Variants in CTNNA3 observed in about 807,000 individuals in gnomAD.
CTNNA3 encodes catenin alpha 3.
Under a neutral mutation model 95.7 loss-of-function variants are expected in CTNNA3, and 76 were observed. The ratio of observed to expected loss-of-function variants is 0.79; its 90% CI spans 0.66 to 0.96. The LOEUF is 0.96. CTNNA3 is among the 40% of genes least tolerant of loss of function. The pLI, the probability that CTNNA3 is intolerant of heterozygous loss-of-function variation, is 0.00. For missense variants in CTNNA3, 1,191 were observed against 1,089.8 expected, an observed-to-expected ratio of 1.09 and a Z score of -1.31; for synonymous variants, 431 against 374.4, an observed-to-expected ratio of 1.15 and a Z score of -1.74.
chr10:67,573,649 A>G (rs761932377), intron 3 of CTNNA3, among the ~76,000 whole-genome samples: 7 of 151,968 alleles, frequency 4.6e-5, no homozygotes, highest in Non-Finnish European at 7.4e-5. Flanking sequence ...AAAATCAAGT[A>G]TTATATTAGA....
At chr10:67,758,305 CATAT>C (rs1261166090) in intron 1 of CTNNA3, among the ~76,000 whole-genome samples, 2 of 117,368 alleles carry the variant, frequency 1.7e-5, no homozygotes, top group Admixed American at 2.1e-4. Flanking sequence ...CACACACACA[CATAT>C]ATATAAATAT....
At chr10:66,112,026 T>C (rs536340528) in intron 13 of CTNNA3, among the ~76,000 whole-genome samples, 2 of 152,318 alleles carry the variant, frequency 1.3e-5, no homozygotes, top group African/African-American at 4.8e-5. Flanking sequence ...GTGACAAACA[T>C]TAGGCTGGAT....
At chr10:67,201,946 G>A (rs1863668599) in intron 6 of CTNNA3, among the ~76,000 whole-genome samples, 1 of 152,172 alleles carries the variant, frequency 6.6e-6, no homozygotes, top group Non-Finnish European at 1.5e-5. Context: ...ACACACCCAT[G>A]AAGAGAGCCC....
intron 3 of CTNNA3, among the ~76,000 whole-genome samples, chr10:67,576,399 A>G (rs1842146091): frequency 6.6e-6 from 1 of 152,108 alleles, no homozygotes; most frequent in African/African-American, 2.4e-5. Context: ...AGGAGGCATT[A>G]TTGTATAGTT....
intron 7 of CTNNA3, among the ~76,000 whole-genome samples, chr10:67,096,570 G>A (rs575272011): frequency 6.6e-6 from 1 of 151,922 alleles, no homozygotes; most frequent in Non-Finnish European, 1.5e-5. Flanking sequence ...ACCAAGATCA[G>A]GACTGAAGGT....
chr10:66,346,230 TATATATATATATATATAGAGAGAGAGAG>T (rs1256992672), intron 12 of CTNNA3, among the ~76,000 whole-genome samples: 1,934 of 65,082 alleles, frequency 0.03, 29 homozygotes, highest in East Asian at 0.11. Flanking sequence ...TATATATATA[TATATATATATATATATAGAGAGAGAGAG>T]AGAGAGAGAG....
At chr10:67,424,159 T>C (rs1334879755) in intron 5 of CTNNA3, among the ~76,000 whole-genome samples, 1 of 152,158 alleles carries the variant, frequency 6.6e-6, no homozygotes, top group Non-Finnish European at 1.5e-5. Context: ...CTGATGAGGA[T>C]GTTTAAATGA....
intron 13 of CTNNA3, among the ~76,000 whole-genome samples, chr10:66,224,026 G>A (rs936381715): frequency 3.9e-5 from 6 of 152,016 alleles, no homozygotes; most frequent in African/African-American, 1.5e-4. Flanking sequence ...GTGAGGCCCT[G>A]TCTCTAAAAA....
chr10:66,655,953 C>T, intron 9 of CTNNA3, among the ~76,000 whole-genome samples: 1 of 152,060 alleles, frequency 6.6e-6, no homozygotes, highest in East Asian at 1.9e-4. Flanking sequence ...AGACGTGGCT[C>T]ATATCTGTCA....
At chr10:66,427,481 C>T (rs562986065) in intron 11 of CTNNA3, among the ~76,000 whole-genome samples, 1 of 152,106 alleles carries the variant, frequency 6.6e-6, no homozygotes, top group South Asian at 2.1e-4. Context: ...ACAGTAGGCA[C>T]TGAAGAAAGA....
chr10:65,992,794 G>T (rs908330107), intron 15 of CTNNA3, among the ~76,000 whole-genome samples: 2 of 151,862 alleles, frequency 1.3e-5, no homozygotes, highest in African/African-American at 4.8e-5. Flanking sequence ...GATTTAGCTT[G>T]TTCTTGCTTT....
At chr10:67,645,783 G>A (rs1839686083) in intron 2 of CTNNA3, among the ~76,000 whole-genome samples, 1 of 151,656 alleles carries the variant, frequency 6.6e-6, no homozygotes, top group African/African-American at 2.4e-5. Context: ...TAAAAAAACT[G>A]TAGTGCAGCC....
intron 5 of CTNNA3, among the ~76,000 whole-genome samples, chr10:67,393,337 G>T (rs1187072325): frequency 2.0e-5 from 3 of 152,066 alleles, no homozygotes; most frequent in African/African-American, 7.2e-5. Context: ...AACTAATCTT[G>T]CCATGATTTT....
At chr10:67,050,573 T>C (rs1215662940) in intron 7 of CTNNA3, among the ~76,000 whole-genome samples, 2 of 152,172 alleles carry the variant, frequency 1.3e-5, no homozygotes, top group African/African-American at 2.4e-5. Flanking sequence ...CTTCCCTCTG[T>C]AGCTCGAGTG....
intron 12 of CTNNA3, among the ~76,000 whole-genome samples, chr10:66,346,888 G>A (rs538944106): frequency 7.9e-5 from 12 of 151,920 alleles, no homozygotes; most frequent in Non-Finnish European, 1.5e-4. Context: ...AAATTGAGGT[G>A]ATGAGATTAA....
chr10:67,034,901 A>C (rs1028634092), intron 7 of CTNNA3, among the ~76,000 whole-genome samples: 3 of 152,166 alleles, frequency 2.0e-5, no homozygotes, highest in African/African-American at 4.8e-5. Context: ...TCATGTTGAC[A>C]TATCTCTTGG....
At chr10:66,256,256 A>G (rs1190530570) in intron 13 of CTNNA3, among the ~76,000 whole-genome samples, 1 of 151,916 alleles carries the variant, frequency 6.6e-6, no homozygotes, top group African/African-American at 2.4e-5. Context: ...GCAAATTTAG[A>G]CCCCCAAAGC....
Position 66,401,380 on chromosome 10 carries a change from G to A in CTNNA3, c.1532-22028C>T, listed in dbSNP as rs1428401098. 2.6e-5 allele frequency among the ~76,000 whole-genome samples: 4 copies of A among 151,990 alleles called. No homozygotes were observed. The East Asian group carries it at 7.8e-4, about 30-fold the overall frequency. ...GTCTCTACTAAAAATAAAAAAATTA[G>A]CCATGGATGGTGGTGTGTCCCTGTA... On this transcript the variant is annotated intron_variant, in intron 11 of 17. Transcript: ENST00000433211.
rs764923660 is a variant in CTNNA3, at chr10:66,926,977, A to G, written c.1048-151453T>C. 3 of 1,614,070 alleles carry G rather than the reference A, an allele frequency of 1.9e-6. No individual in the cohort carries two copies. The highest frequency in any genetic ancestry group is 1.7e-6 in the Non-Finnish European group (2 of 1,179,986). The stretch of plus-strand genomic sequence containing the variant: ...AGCTGTAGCACTGGTTATAGCCCCC[A>G]CTGTCTTACTGACAATGCTTTCTTC... On this transcript the variant is annotated intron_variant, in intron 7 of 17. Coordinates refer to ENST00000433211, the MANE Select transcript of CTNNA3 (RefSeq NM_013266.4).
Sources: allele counts gnomAD v4.1 joint callset (sites outside exome capture counted in the v4.1 genomes callset), GRCh38; gene constraint gnomAD v4.1.1; transcripts MANE v1.5; gene names NCBI Gene and HGNC (gene_info 2026-07-23, HGNC 2026-07-21).